ADAMTSL2: variants seen among roughly 807,000 people sequenced by gnomAD.
ADAMTSL2 encodes the protein ADAMTS-like protein 2.
In ADAMTSL2, 55 loss-of-function variants were observed where a neutral mutation model predicts 117.0. The ratio of observed to expected loss-of-function variants is 0.47; its 90% CI spans 0.38 to 0.59. ADAMTSL2 has a LOEUF of 0.59. Among genes scored for constraint, ADAMTSL2 ranks in the 20% least tolerant of loss-of-function variants. The probability of loss-of-function intolerance (pLI) is 0.00; values close to 1 mark genes in which losing one functional copy is unlikely to be tolerated. For synonymous variants in ADAMTSL2, 572 were observed against 566.4 expected, an observed-to-expected ratio of 1.01 and a Z score of -0.14; for missense variants, 1,182 against 1,354.5, an observed-to-expected ratio of 0.87 and a Z score of 2.00.
chr9:133,574,058 G>A (rs1399984666), intron 18 of ADAMTSL2, 71 bp downstream of exon 18: 17 of 1,539,692 alleles, frequency 1.1e-5, no homozygotes, highest in Non-Finnish European at 1.3e-5. Context: ...CAGGGCCTGA[G>A]GGGTGAGCAG....
intron 7 of ADAMTSL2, among the ~76,000 whole-genome samples, chr9:133,543,437 C>T (rs1278283077): frequency 6.6e-6 from 1 of 152,262 alleles, no homozygotes; most frequent in Non-Finnish European, 1.5e-5. Context: ...AAATTGGCCA[C>T]AGCGGGGGTG....
At chr9:133,539,682 G>GGCTGTCCCGGCTGTCCCC in intron 4 of ADAMTSL2, 89 bp from the exon 5 acceptor site, 2 of 1,349,088 alleles carry the variant, frequency 1.5e-6, no homozygotes, top group Non-Finnish European at 1.0e-6. Flanking sequence ...CGGCTGTCCC[G>GGCTGTCCCGGCTGTCCCC]GCTGCAGCCA....
chr9:133,560,736 C>T (rs1830707809), intron 11 of ADAMTSL2, among the ~76,000 whole-genome samples: 1 of 152,188 alleles, frequency 6.6e-6, no homozygotes, highest in Non-Finnish European at 1.5e-5. Context: ...CCATCAGAGT[C>T]CCAGCTGGAG....
At position 133,534,854 on chromosome 9, in the gene ADAMTSL2, G is replaced by A. The variant is rs528112188; in HGVS notation, c.-214G>A. ...CCCCCGCACGCACAGCGCACCTGGC[G>A]CCGTCTGCCCTCCGCAGCGCTCGCC... On this transcript the variant is annotated 5_prime_UTR_variant, in exon 1 of 19. Coordinates refer to ENST00000651351, the MANE Select transcript of ADAMTSL2 (RefSeq NM_014694.4). 7.4e-6 allele frequency: 11 copies of A among 1,495,168 alleles called. No individual in the cohort carries two copies. Among genetic ancestry groups the A allele is most frequent in the Non-Finnish European group, 4.5e-6 (5 of 1,117,966 alleles). 92.6% of individuals were successfully genotyped at this position (1,495,168 alleles called of 1,614,324 possible). A position where few individuals can be genotyped will look rare whatever the true frequency, so the allele number is the denominator to read the frequency against.
chr9:133,569,657 G>C (rs891762913), intron 16 of ADAMTSL2, 79 bp downstream of exon 16: 10 of 1,384,228 alleles, frequency 7.2e-6, no homozygotes, highest in Middle Eastern at 2.1e-4. Context: ...AGATGGCTGG[G>C]ACCACAGATG....
chr9:133,556,892 A>G (rs1316107128), intron 11 of ADAMTSL2, among the ~76,000 whole-genome samples: 1 of 152,074 alleles, frequency 6.6e-6, no homozygotes, highest in Admixed American at 6.5e-5. Flanking sequence ...GAGGGTGGCC[A>G]CCCTTGCAGG....
At chr9:133,551,812 C>CT (rs56225051) in intron 9 of ADAMTSL2, among the ~76,000 whole-genome samples, 2,296 of 110,830 alleles carry the variant, frequency 0.021, 227 homozygotes, top group African/African-American at 0.077. Flanking sequence ...AAAGCAGCAG[C>CT]TTTTTTTTTT....
At chr9:133,534,049 C>G (rs769493532), upstream of ADAMTSL2, among the ~76,000 whole-genome samples, 2 of 152,212 alleles carry the variant, frequency 1.3e-5, no homozygotes, top group Admixed American at 6.5e-5. Flanking sequence ...CCTGGCCTGC[C>G]AGGGGCTGCC....
At chr9:133,535,017 G>A in intron 1 of ADAMTSL2, 100 bp downstream of exon 1, 1 of 1,299,152 alleles carries the variant, frequency 7.7e-7, no homozygotes, top group Non-Finnish European at 9.8e-7. Flanking sequence ...GCGCCCTCTG[G>A]AGCCGTTACA....
Position 133,568,332 on chromosome 9 carries a change from G to A in ADAMTSL2, c.1934G>A (p.Arg645His), listed in dbSNP as rs1831023991. ...ACCTGCGGAGAGGGCTACCAGTTCC[G>A]CGTCGTGCGCTGCTGGAAGATGCTC... ...SRTCGEGYQF[R>H]VVRCWKMLSP... The change falls in exon 14 of 19, where the codon CGC (arginine) becomes CAC (histidine). Residue 645 changes from arginine to histidine, a missense_variant. Coordinates refer to ENST00000651351, the MANE Select transcript of ADAMTSL2 (RefSeq NM_014694.4). The A allele has an allele frequency of 6.3e-7, 1 of 1,585,620 alleles. No homozygotes were observed.
intron 12 of ADAMTSL2, among the ~76,000 whole-genome samples, chr9:133,566,652 G>A (rs1316182928): frequency 6.6e-6 from 1 of 151,976 alleles, no homozygotes; most frequent in Non-Finnish European, 1.5e-5. Flanking sequence ...GCACCTCCAC[G>A]GGGGCCAGCT....
intron 17 of ADAMTSL2, among the ~76,000 whole-genome samples, chr9:133,572,596 C>A (rs1831133315): frequency 1.3e-5 from 2 of 152,234 alleles, no homozygotes; most frequent in African/African-American, 2.4e-5. Flanking sequence ...GGTGCAGGTA[C>A]CTTGCTGGGT....
In ADAMTSL2 at chr9:133,554,466, C is replaced by T; in HGVS notation, c.1049C>T (p.Ala350Val). 2 of 1,555,626 alleles carry T rather than the reference C, an allele frequency of 1.3e-6. No individual in the cohort carries two copies. The highest frequency in any genetic ancestry group is 1.7e-6 in the Non-Finnish European group (2 of 1,149,970). Residue 350 changes from alanine to valine, a missense_variant, in exon 10 of 19, where the codon GCT becomes GTT. Physicochemically the swap from Ala to Val is moderately conservative, Grantham distance 64. Around this residue, in one of 3 missense-constraint regions of ADAMTSL2, gnomAD observed 345 missense variants for 325.8 expected, o/e 1.06. Transcript: ENST00000651351. This position sits in a 1 kb window ranked among gnomAD's most constrained non-coding sequence, Gnocchi z 5.2. The stretch of plus-strand genomic sequence containing the variant: ...ATCTACTATGGCTTCTCCGAGAGCG[C>T]TGAGAGCCAGGGCCTGGACGGGGCC... ...QPIYYGFSES[A>V]ESQGLDGAGL... is the part of the protein sequence containing the mutation.
chr9:133,553,804 C>T (rs1830542560), intron 9 of ADAMTSL2, among the ~76,000 whole-genome samples: 1 of 152,184 alleles, frequency 6.6e-6, no homozygotes, highest in South Asian at 2.1e-4. Context: ...GCCGGGCTGC[C>T]CCAGGGTCTT....
chr9:133,566,698 A>G (rs1830981788), intron 12 of ADAMTSL2, among the ~76,000 whole-genome samples: 1 of 151,062 alleles, frequency 6.6e-6, no homozygotes, highest in Admixed American at 6.6e-5. Flanking sequence ...GTGACATGGG[A>G]ACTGGGAGCC....
At chr9:133,537,899 G>A (rs994945930) in intron 3 of ADAMTSL2, among the ~76,000 whole-genome samples, 4 of 152,188 alleles carry the variant, frequency 2.6e-5, no homozygotes, top group Admixed American at 2.6e-4. Flanking sequence ...GAGAAGCAGA[G>A]GACTGGCAGG....
At chr9:133,539,658 T>TGTCCCGGCTGTCCCGGCTGTCCCGGCC in intron 4 of ADAMTSL2, 113 bp from the exon 5 acceptor site, 3 of 994,004 alleles carry the variant, frequency 3.0e-6, no homozygotes, top group South Asian at 1.4e-5. Context: ...CCCGCACGGC[T>TGTCCCGGCTGTCCCGGCTGTCCCGGCC]GTCCCGGCTG....
intron 8 of ADAMTSL2, among the ~76,000 whole-genome samples, chr9:133,545,184 G>A (rs1190977185): frequency 6.6e-6 from 1 of 152,106 alleles, no homozygotes; most frequent in Non-Finnish European, 1.5e-5. Context: ...GCCGAGCAGC[G>A]TGCCATGTCT....
Position 133,554,581 on chromosome 9 carries a change from C to A in ADAMTSL2, c.1164C>A (p.His388Gln). 1 of 1,547,044 alleles carries A rather than the reference C, an allele frequency of 6.5e-7. No homozygotes were observed. Among genetic ancestry groups the A allele is most frequent in the South Asian group, 1.2e-5 (1 of 84,068 alleles). Residue 388 changes from histidine to glutamine, a missense_variant, in exon 10 of 19, where the codon CAC becomes CAA. Physicochemically the swap from His to Gln is conservative, Grantham distance 24. Coordinates refer to ENST00000651351, the MANE Select transcript of ADAMTSL2 (RefSeq NM_014694.4). The surrounding 1 kb of genome is among the most constrained non-coding windows in gnomAD (Gnocchi z 5.2). ...RLGLDNRLFG[H>Q]PGLDMELGPS... is the part of the protein sequence containing the mutation. ...GCCTGGACAACCGGCTGTTCGGCCA[C>A]CCGGGCCTGGACATGGAGCTGGGCC... is the stretch of plus-strand genomic sequence containing the variant.
Sources: gnomAD v4.1 joint callset for allele counts (sites outside exome capture counted in the v4.1 genomes callset) on GRCh38, gnomAD v4.1.1 for gene constraint, gnomAD v4.1.1 regional missense constraint, Gnocchi (gnomAD v3.1) non-coding constraint, MANE v1.5 for transcripts, NCBI Gene and HGNC (gene_info 2026-07-23, HGNC 2026-07-21) for gene names.